Variants in ARHGEF7 observed in about 807,000 individuals in gnomAD.
ARHGEF7 encodes Rho guanine nucleotide exchange factor 7, also known as PAK-interacting exchange factor beta.
Under a neutral mutation model 109.8 loss-of-function variants are expected in ARHGEF7, and 33 were observed. The ratio of observed to expected loss-of-function variants is 0.30; its 90% confidence interval spans 0.23 to 0.40. The LOEUF is 0.40. ARHGEF7 is among the 10% of genes least tolerant of loss of function. The pLI is 1.00. For synonymous variants in ARHGEF7, 458 were observed against 424.6 expected (o/e 1.08, Z -0.97); for missense variants, 938 against 1,098.5 (o/e 0.85, Z 2.07).
At chr13:111,267,428 G>GT in intron 8 of ARHGEF7, 120 bp from the exon 9 acceptor site, 1 of 1,361,640 alleles carries the variant, frequency 7.3e-7, no homozygotes, top group Non-Finnish European at 1.0e-6. Context: ...GGGGCCTCTG[G>GT]TTTTCACAGA....
At chr13:111,288,178 T>C (rs2093108252) in intron 17 of ARHGEF7, among the ~76,000 whole-genome samples, 176 bp from the exon 18 acceptor site, 1 of 152,248 alleles carries the variant, frequency 6.6e-6, no homozygotes, top group Non-Finnish European at 1.5e-5. Context: ...TTTATTTTAT[T>C]TTATTTTGAA....
chr13:111,292,548 C>T, intron 19 of ARHGEF7: 1 of 1,385,078 alleles, frequency 7.2e-7, no homozygotes, highest in South Asian at 1.7e-5. Flanking sequence ...TTCACGTGAG[C>T]CTACATCCGA....
In ARHGEF7 at chr13:111,221,341, CT is replaced by C. The variant is rs2083990584; in HGVS notation, c.670+3462del. 2.7e-4 allele frequency among the ~76,000 whole-genome samples: 2 copies of C among 7,482 alleles called. 1 individual carries two copies. Among genetic ancestry groups the C allele is most frequent in the Admixed American group, 7.0e-3 (2 of 284 alleles). 4.9% of individuals were successfully genotyped at this position (7,482 alleles called of 152,430 possible). ...TATAGATATATATGTCTATATATAT[CT>C]ATATATATGTCTATATATATATCTA... On this transcript the variant is annotated intron_variant, in intron 5 of 21. Coordinates refer to ENST00000646102, the MANE Select transcript of ARHGEF7 (RefSeq NM_001354046.2).
chr13:111,290,082 T>A (rs187093704), intron 18 of ARHGEF7, among the ~76,000 whole-genome samples: 1 of 152,272 alleles, frequency 6.6e-6, no homozygotes, highest in East Asian at 1.9e-4. Context: ...ATATTGATCA[T>A]GTTTTAAGTA....
Position 111,273,900 on chromosome 13 carries a change from T to C in ARHGEF7, c.1160T>C (p.Met387Thr), listed in dbSNP as rs752879293. ...ACCACGGGCCTGAGCAAACCCTTCATGCGCCTGGATAAATACCCTACGCTG... is the reference window on the plus strand; with the variant it reads ...ACCACGGGCCTGAGCAAACCCTTCACGCGCCTGGATAAATACCCTACGCTG... Reference protein sequence around the residue: ...VLTTGLSKPFMRLDKYPTLLK... With the variant: ...VLTTGLSKPFTRLDKYPTLLK... Residue 387 changes from methionine (M) to threonine (T), a missense_variant, in exon 10 of 22, where the codon ATG becomes ACG. This residue lies in a region of ARHGEF7 where 585 missense variants were observed against 723.6 expected (regional missense o/e 0.81). Transcript: ENST00000646102. The surrounding 1 kb of genome is among the most constrained non-coding windows in gnomAD (Gnocchi z 4.5). 6.2e-7 allele frequency: 1 copy of C among 1,614,208 alleles called. No homozygotes were observed. The highest frequency in any genetic ancestry group is 2.2e-5 in the East Asian group (1 of 44,878).
Position 111,286,192 on chromosome 13 carries a change from C to T in ARHGEF7, c.1996C>T (p.Arg666Cys), listed in dbSNP as rs2093010370. Residue 666 changes from arginine to cysteine, a missense_variant, in exon 17 of 22, where the codon CGC (arginine) becomes TGC (cysteine). By Grantham distance (180) the Arg-to-Cys change is radical. Around this residue, in one of 4 missense-constraint regions of ARHGEF7, gnomAD observed 22 missense variants for 81.9 expected, o/e 0.27. Transcript: ENST00000646102. The stretch of plus-strand genomic sequence containing the variant: ...GACCATGAAAAAGCTGCTGCCCAAG[C>T]GCAAACCTGAACGGAAGCCTTCAGA... The part of the protein sequence containing the change: ...PKTMKKLLPK[R>C]KPERKPSDEE... 6.2e-7 allele frequency: 1 copy of T among 1,614,006 alleles called. No individual in the cohort carries two copies. Among genetic ancestry groups the T allele is most frequent in the Non-Finnish European group, 8.5e-7 (1 of 1,180,002 alleles).
At chr13:111,194,408 C>T (rs1371210566) in intron 2 of ARHGEF7, among the ~76,000 whole-genome samples, 1 of 152,112 alleles carries the variant, frequency 6.6e-6, no homozygotes, top group African/African-American at 2.4e-5. Flanking sequence ...ATCCGGCAGT[C>T]CATAGTTGGC....
intron 15 of ARHGEF7, chr13:111,282,813 A>C (rs1301126339): frequency 2.4e-6 from 1 of 412,156 alleles, no homozygotes; most frequent in South Asian, 4.3e-5. Context: ...TACTAGATGA[A>C]GTACCTTTTT....
chr13:111,221,837 T>C (rs182930305), intron 5 of ARHGEF7, among the ~76,000 whole-genome samples: 8 of 151,854 alleles, frequency 5.3e-5, no homozygotes, highest in Non-Finnish European at 1.2e-4. Flanking sequence ...CGTGTACGTA[T>C]ATGTGTATAT....
At chr13:111,149,252 A>G (rs761965922) in intron 1 of ARHGEF7, among the ~76,000 whole-genome samples, 3 of 152,100 alleles carry the variant, frequency 2.0e-5, no homozygotes, top group African/African-American at 7.2e-5. Context: ...CTCTGAAAAA[A>G]AAAAAGAAAA....
chr13:111,259,324 A>G (rs530546814), intron 8 of ARHGEF7, among the ~76,000 whole-genome samples: 32 of 152,222 alleles, frequency 2.1e-4, no homozygotes, highest in East Asian at 1.2e-3. Flanking sequence ...TGCAGTCCCA[A>G]TGGTGGTGAC....
chr13:111,186,436 C>T (rs892683212), intron 2 of ARHGEF7, among the ~76,000 whole-genome samples: 25 of 152,180 alleles, frequency 1.6e-4, no homozygotes, highest in Non-Finnish European at 2.9e-5. Flanking sequence ...TTGATAGCAT[C>T]CGTCATCAGA....
In ARHGEF7 at chr13:111,294,964, TA is replaced by T. The variant is rs66918935; in HGVS notation, c.2311+2672del. 3.4e-3 allele frequency: 3,310 copies of T among 985,624 alleles called. 79 individuals are homozygous for T. In the African/African-American group the frequency reaches 0.054, roughly 16 times the overall value. 61.1% of individuals were successfully genotyped at this position (985,624 alleles called of 1,614,324 possible). A position where few individuals can be genotyped will look rare whatever the true frequency, so the allele number is the denominator to read the frequency against. On this transcript the variant is annotated intron_variant, in intron 19 of 21. Coordinates refer to ENST00000646102, the MANE Select transcript of ARHGEF7 (RefSeq NM_001354046.2). ...ACACAGTAATGTGTATATAGTGGTA[TA>T]AGATCTTGAAAAAAATCTCTATAAT...
At chr13:111,115,730 C>T (rs1305196548) in intron 1 of ARHGEF7, 39 bp downstream of exon 1, 2 of 1,106,968 alleles carry the variant, frequency 1.8e-6, no homozygotes, top group Non-Finnish European at 2.2e-6. Context: ...GCCCCCCGGT[C>T]CGGCCCGCTG....
chr13:111,247,877 T>C (rs1312637170), intron 8 of ARHGEF7, among the ~76,000 whole-genome samples: 1 of 152,238 alleles, frequency 6.6e-6, no homozygotes, highest in Non-Finnish European at 1.5e-5. Context: ...GAAAGTTGGC[T>C]GACCCCCAGG....
At chr13:111,124,853 G>A (rs1309123494) in intron 1 of ARHGEF7, among the ~76,000 whole-genome samples, 2 of 152,102 alleles carry the variant, frequency 1.3e-5, no homozygotes, top group Non-Finnish European at 2.9e-5. Context: ...GCCGCCTCCC[G>A]GGTTCAAGTG....
chr13:111,250,110 C>T (rs117182944), intron 8 of ARHGEF7, among the ~76,000 whole-genome samples: 2 of 152,316 alleles, frequency 1.3e-5, no homozygotes, highest in East Asian at 3.9e-4. Context: ...TTTCAAATCA[C>T]AGTTCTTCCT....
intron 5 of ARHGEF7, among the ~76,000 whole-genome samples, chr13:111,225,471 A>G (rs913463727): frequency 2.0e-5 from 3 of 150,770 alleles, no homozygotes; most frequent in African/African-American, 7.3e-5. Flanking sequence ...GCTTAGATTT[A>G]TAGGGCGTAT....
rs2085564811 is a variant in ARHGEF7 at position 111,228,708 on chromosome 13, C to T, written c.671-4497C>T. On this transcript the variant is annotated intron_variant, in intron 5 of 21. Coordinates refer to ENST00000646102, the MANE Select transcript of ARHGEF7 (RefSeq NM_001354046.2). The surrounding 1 kb of genome is among the most constrained non-coding windows in gnomAD (Gnocchi z 4.6). The stretch of plus-strand genomic sequence containing the variant: ...GGTTCAGGAAAGCGGCAGGCAGACA[C>T]TGCTGAGCACGGGCAGACACACACA... Among the ~76,000 whole-genome samples, 1 of 152,228 alleles carries T rather than the reference C, an allele frequency of 6.6e-6. No homozygotes were observed. Among genetic ancestry groups the T allele is most frequent in the African/African-American group, 2.4e-5 (1 of 41,536 alleles).
Sources: allele counts gnomAD v4.1 joint callset (sites outside exome capture counted in the v4.1 genomes callset), GRCh38; gene constraint gnomAD v4.1.1; regional missense constraint gnomAD v4.1.1; non-coding constraint Gnocchi (gnomAD v3.1); transcripts MANE v1.5; gene names NCBI Gene and HGNC (gene_info 2026-07-23, HGNC 2026-07-21).